Variants in C3orf49 observed in about 807,000 individuals in gnomAD.
The protein encoded by C3orf49 is chromosome 3 open reading frame 49.
In C3orf49, 27 loss-of-function variants were observed where a neutral mutation model predicts 13.3. That is an observed-to-expected ratio of 2.02 (90% CI 1.49 to 2.79). The LOEUF (loss-of-function observed/expected upper bound fraction) is 2.79. C3orf49 is among the 30% of genes most tolerant of loss of function. The pLI is 0.00. For synonymous variants in C3orf49, 87 were observed against 47.6 expected (o/e 1.83, Z -3.40); for missense variants, 242 against 134.2 (o/e 1.80, Z -3.97).
At chr3:63,808,722 G>T in the C3orf49 span, among the ~76,000 whole-genome samples, 1 of 152,124 alleles carries the variant, frequency 6.6e-6, no homozygotes, top group Non-Finnish European at 1.5e-5. Flanking sequence ...TGGTCCCTAG[G>T]TATTAGGTAT....
upstream of C3orf49, among the ~76,000 whole-genome samples, chr3:63,815,047 C>T (rs979032951): frequency 5.3e-5 from 8 of 152,102 alleles, no homozygotes; most frequent in African/African-American, 1.7e-4. Flanking sequence ...GGGAGTGCCA[C>T]GCACTTTTAA....
chr3:63,819,062 C>T (rs1701361867), upstream of C3orf49, among the ~76,000 whole-genome samples: 1 of 152,174 alleles, frequency 6.6e-6, no homozygotes, highest in Non-Finnish European at 1.5e-5. Context: ...ATACGCACTT[C>T]TGAATGTGGT....
intron 5 of C3orf49, among the ~76,000 whole-genome samples, chr3:63,842,326 G>A (rs1701779986): frequency 6.6e-6 from 1 of 152,162 alleles, no homozygotes; most frequent in South Asian, 2.1e-4. Context: ...GTGTTGGTGA[G>A]GATGTGGAGA....
At chr3:63,789,810 CAAAAAAA>C in the C3orf49 span, among the ~76,000 whole-genome samples, 2 of 49,662 alleles carry the variant, frequency 4.0e-5, no homozygotes, top group Middle Eastern at 0.011. Flanking sequence ...GACTCTGTCT[CAAAAAAA>C]AAAAAAAAAA....
upstream of C3orf49, among the ~76,000 whole-genome samples, chr3:63,817,281 T>C (rs570352922): frequency 5.9e-5 from 9 of 152,084 alleles, no homozygotes; most frequent in Non-Finnish European, 8.8e-5. Flanking sequence ...CCCATCATCC[T>C]CTTTTACTTT....
chr3:63,818,867 T>C (rs1473206793), upstream of C3orf49, among the ~76,000 whole-genome samples: 4 of 152,190 alleles, frequency 2.6e-5, no homozygotes, highest in Non-Finnish European at 5.9e-5. Context: ...AATTCCAAGA[T>C]GTAATGAAAA....
the C3orf49 span, among the ~76,000 whole-genome samples, chr3:63,789,810 CAAAAAA>C: frequency 2.0e-5 from 1 of 49,640 alleles, no homozygotes; most frequent in East Asian, 6.3e-4. Flanking sequence ...GACTCTGTCT[CAAAAAA>C]AAAAAAAAAA....
At chr3:63,842,268 G>A (rs1261369269) in intron 5 of C3orf49, among the ~76,000 whole-genome samples, 2 of 152,138 alleles carry the variant, frequency 1.3e-5, no homozygotes, top group African/African-American at 4.8e-5. Flanking sequence ...TGAGATACTA[G>A]CTCACCCCAC....
chr3:63,807,711 G>C, the C3orf49 span, among the ~76,000 whole-genome samples: 1 of 151,674 alleles, frequency 6.6e-6, no homozygotes, highest in Non-Finnish European at 1.5e-5. Flanking sequence ...ACAAAAATTA[G>C]TCGGGCGTGG....
At chr3:63,815,776 T>C (rs1332260424), upstream of C3orf49, among the ~76,000 whole-genome samples, 1 of 149,596 alleles carries the variant, frequency 6.7e-6, no homozygotes, top group East Asian at 1.9e-4. Flanking sequence ...TCTTTCTTTT[T>C]TTTTTTTTTT....
chr3:63,825,059 T>A (rs1206260620), intron 2 of C3orf49, among the ~76,000 whole-genome samples: 1 of 152,048 alleles, frequency 6.6e-6, no homozygotes, highest in Non-Finnish European at 1.5e-5. Flanking sequence ...TACATTAGGG[T>A]TCCCCCTTTA....
chr3:63,841,070 G>A (rs1559603982), intron 5 of C3orf49, among the ~76,000 whole-genome samples: 1 of 152,124 alleles, frequency 6.6e-6, no homozygotes, highest in Non-Finnish European at 1.5e-5. Flanking sequence ...TTCACATAAT[G>A]TAATAGTATG....
intron 2 of C3orf49, among the ~76,000 whole-genome samples, chr3:63,826,253 G>A (rs564801230): frequency 6.6e-6 from 1 of 152,268 alleles, no homozygotes; most frequent in South Asian, 2.1e-4. Flanking sequence ...GATAGCTTTG[G>A]TTATCTTTTA....
intron 1 of C3orf49, among the ~76,000 whole-genome samples, chr3:63,821,052 A>G (rs755081555): frequency 2.6e-5 from 4 of 152,178 alleles, no homozygotes; most frequent in Non-Finnish European, 5.9e-5. Context: ...ATGCTTTTTA[A>G]GGTTCCAAAC....
chr3:63,824,217 T>TACAC (rs1346110946), intron 2 of C3orf49, among the ~76,000 whole-genome samples: 1 of 152,082 alleles, frequency 6.6e-6, no homozygotes, highest in Non-Finnish European at 1.5e-5. Flanking sequence ...TATTCATATA[T>TACAC]ACATATATAT....
intron 5 of C3orf49, chr3:63,835,285 G>A: frequency 6.2e-7 from 1 of 1,610,970 alleles, no homozygotes; most frequent in South Asian, 1.1e-5. Flanking sequence ...TAGACAGACA[G>A]ATAGACAGAT....
chr3:63,847,907 A>C (rs952400871), intron 6 of C3orf49, among the ~76,000 whole-genome samples: 1 of 152,178 alleles, frequency 6.6e-6, no homozygotes, highest in South Asian at 2.1e-4. Context: ...AGTAAACCTG[A>C]AAAACTAGTT....
upstream of C3orf49, among the ~76,000 whole-genome samples, chr3:63,818,434 G>C (rs1044194517): frequency 6.6e-6 from 1 of 152,160 alleles, no homozygotes; most frequent in African/African-American, 2.4e-5. Flanking sequence ...TCCAAGTGCA[G>C]TCTGGCATCA....
intron 5 of C3orf49, among the ~76,000 whole-genome samples, chr3:63,833,097 C>CTT (rs748114078): frequency 8.1e-5 from 11 of 135,726 alleles, no homozygotes; most frequent in Non-Finnish European, 1.5e-4. Flanking sequence ...GCAAGACAAT[C>CTT]TTTTTTTTTT....
Sources: allele counts gnomAD v4.1 joint callset (sites outside exome capture counted in the v4.1 genomes callset), GRCh38; gene constraint gnomAD v4.1.1; transcripts MANE v1.5; gene names NCBI Gene and HGNC (gene_info 2026-07-23, HGNC 2026-07-21).